Variants in SORCS2 observed in about 807,000 individuals in gnomAD.
The protein encoded by SORCS2 is VPS10 domain-containing receptor SorCS2.
Under a neutral mutation model 141.6 loss-of-function variants are expected in SORCS2, and 100 were observed. The ratio of observed to expected loss-of-function variants is 0.71; its 90% CI spans 0.60 to 0.83. The LOEUF is 0.83. Ranked by LOEUF, SORCS2 falls within the 40% of genes least tolerant of loss-of-function variation. The probability of loss-of-function intolerance (pLI) is 0.00; values close to 1 mark genes in which losing one functional copy is unlikely to be tolerated. For missense variants in SORCS2, 1,646 were observed against 1,560.2 expected (o/e 1.05, Z -0.93); for synonymous variants, 789 against 676.9 (o/e 1.17, Z -2.57).
intron 8 of SORCS2, among the ~76,000 whole-genome samples, chr4:7,672,171 G>T (rs1183098584): frequency 1.3e-5 from 2 of 152,114 alleles, no homozygotes; most frequent in East Asian, 3.9e-4. Context: ...TAGAACTCCT[G>T]ACCTCAAGTG....
intron 1 of SORCS2, among the ~76,000 whole-genome samples, chr4:7,296,251 C>T (rs1198659967): frequency 6.6e-6 from 1 of 152,236 alleles, no homozygotes; most frequent in Non-Finnish European, 1.5e-5. Flanking sequence ...GCCCTCACAG[C>T]CTCCGGGAGC....
chr4:7,261,650 T>C (rs924712334), intron 1 of SORCS2, among the ~76,000 whole-genome samples: 6 of 152,248 alleles, frequency 3.9e-5, no homozygotes, highest in Non-Finnish European at 7.3e-5. Flanking sequence ...GAAGCTGCAA[T>C]TGATTATTCA....
chr4:7,305,095 G>GCA lies in SORCS2; in HGVS notation c.481-91193_481-91192insCA, dbSNP rs1276674607. 2.7e-5 allele frequency among the ~76,000 whole-genome samples: 4 copies of GCA among 149,800 alleles called. No individual in the cohort carries two copies. In the East Asian group the frequency reaches 7.9e-4, roughly 30 times the overall value. On this transcript the variant is annotated intron_variant, in intron 1 of 26. Coordinates refer to ENST00000507866, the MANE Select transcript of SORCS2 (RefSeq NM_020777.3). ...TTGCCCAGGCTGGAGTGCAGTGAGTGATCTCAGCTCACTGCAAGCTCCGCC... is the reference window on the plus strand; with the variant it reads ...TTGCCCAGGCTGGAGTGCAGTGAGTGCAATCTCAGCTCACTGCAAGCTCCGCC...
chr4:7,569,702 C>T lies in SORCS2; in HGVS notation c.648+38073C>T, dbSNP rs562143465. Among the ~76,000 whole-genome samples the T allele has an allele frequency of 3.1e-4, 47 of 152,240 alleles. No homozygotes were observed. In the South Asian group the frequency reaches 5.4e-3, roughly 17 times the overall value. Reference sequence around the variant, plus strand: ...AATCATAAGTCCAGCCACCACAGGGCGGGGCCGTCTGCATATGGGTGCACG... The same window carrying T: ...AATCATAAGTCCAGCCACCACAGGGTGGGGCCGTCTGCATATGGGTGCACG... On this transcript the variant is annotated intron_variant, in intron 3 of 26. Transcript: ENST00000507866.
At chr4:7,512,442 G>A (rs1732722616) in intron 2 of SORCS2, among the ~76,000 whole-genome samples, 1 of 151,490 alleles carries the variant, frequency 6.6e-6, no homozygotes, top group African/African-American at 2.4e-5. Flanking sequence ...AGGGAGGGAG[G>A]ACAGTCACTG....
At chr4:7,313,346 G>T (rs1176349536) in intron 1 of SORCS2, among the ~76,000 whole-genome samples, 1 of 152,228 alleles carries the variant, frequency 6.6e-6, no homozygotes, top group Non-Finnish European at 1.5e-5. Flanking sequence ...ACACAGCAGG[G>T]AAGGCGCAGT....
At chr4:7,655,398 T>A (rs766291414) in intron 5 of SORCS2, among the ~76,000 whole-genome samples, 2 of 152,054 alleles carry the variant, frequency 1.3e-5, no homozygotes, top group Non-Finnish European at 2.9e-5. Context: ...CTACACACAC[T>A]CTCTTGCCCC....
intron 2 of SORCS2, among the ~76,000 whole-genome samples, chr4:7,428,529 A>C (rs995761212): frequency 3.9e-5 from 6 of 152,166 alleles, no homozygotes; most frequent in Non-Finnish European, 7.3e-5. Context: ...AGCAGAGACT[A>C]AGACAAGTGT....
chr4:7,685,688 A>AATATATATATATATAT (rs5855976), intron 10 of SORCS2, among the ~76,000 whole-genome samples: 3 of 149,606 alleles, frequency 2.0e-5, no homozygotes, highest in African/African-American at 7.5e-5. Flanking sequence ...AAAATAAATA[A>AATATATATATATATAT]ATATATATAT....
At chr4:7,505,150 C>G (rs1156583653) in intron 2 of SORCS2, among the ~76,000 whole-genome samples, 1 of 152,126 alleles carries the variant, frequency 6.6e-6, no homozygotes, top group African/African-American at 2.4e-5. Context: ...CCCTCCAGGG[C>G]GGGATGGGTG....
intron 3 of SORCS2, among the ~76,000 whole-genome samples, chr4:7,550,240 G>A (rs940560689): frequency 2.6e-5 from 4 of 152,016 alleles, no homozygotes; most frequent in African/African-American, 9.7e-5. Context: ...CTGAGACTGT[G>A]CTATCAGGGA....
intron 1 of SORCS2, among the ~76,000 whole-genome samples, chr4:7,245,879 G>A (rs967777514): frequency 6.6e-6 from 1 of 152,176 alleles, no homozygotes; most frequent in African/African-American, 2.4e-5. Flanking sequence ...TTTCAGAGAT[G>A]GCAACTGACT....
chr4:7,257,452 G>A (rs1182267641), intron 1 of SORCS2, among the ~76,000 whole-genome samples: 2 of 152,152 alleles, frequency 1.3e-5, no homozygotes, highest in African/African-American at 2.4e-5. Flanking sequence ...AGGGCAGGGA[G>A]AGCCTCTCCG....
chr4:7,449,882 T>A (rs1360998307), intron 2 of SORCS2, among the ~76,000 whole-genome samples: 1 of 152,184 alleles, frequency 6.6e-6, no homozygotes, highest in African/African-American at 2.4e-5. Flanking sequence ...AGGAAGGTAC[T>A]TGGGGCTGGC....
chr4:7,381,949 C>G lies in SORCS2; in HGVS notation c.481-14339C>G, dbSNP rs552434660. On this transcript the variant is annotated intron_variant, in intron 1 of 26. Transcript: ENST00000507866. ...GGCACCAAGCTCTCCATTCCACTAG[C>G]CTCTCTGGGCCAGGCCTGTGGAGTC... 14 of 986,090 alleles carry G rather than the reference C, an allele frequency of 1.4e-5. No individual in the cohort carries two copies. The African/African-American group carries it at 2.1e-4, about 15-fold the overall frequency. 61.1% of individuals were successfully genotyped at this position (986,090 alleles called of 1,614,324 possible).
chr4:7,450,828 ATGAG>A (rs1728386196), intron 2 of SORCS2, among the ~76,000 whole-genome samples: 2 of 152,350 alleles, frequency 1.3e-5, no homozygotes, highest in East Asian at 1.9e-4. Context: ...GAGTGTGTGA[ATGAG>A]TGAGTGAATG....
chr4:7,584,471 C>A (rs924669872), intron 3 of SORCS2, among the ~76,000 whole-genome samples: 1 of 152,236 alleles, frequency 6.6e-6, no homozygotes, highest in Non-Finnish European at 1.5e-5. Flanking sequence ...TAGACACTCT[C>A]TAGTGAGACC....
Position 7,676,058 on chromosome 4 carries a change from G to C in SORCS2, c.1170G>C (p.Gln390His), listed in dbSNP as rs369993013. The change falls in exon 9 of 27, where the codon CAG (glutamine) becomes CAC (histidine). Residue 390 changes from glutamine (Q) to histidine (H), a missense_variant. Physicochemically the swap from Gln to His is conservative, Grantham distance 24 (BLOSUM62 0). Coordinates refer to ENST00000507866, the MANE Select transcript of SORCS2 (RefSeq NM_020777.3). ...LPKYALPKDL[Q>H]IISTDESQVF... ...CCTGCACATCCCCACAGGATCTGCA[G>C]ATCATCAGCACGGACGAGAGTCAGG... 8.2e-6 allele frequency: 13 copies of C among 1,582,934 alleles called. No individual in the cohort carries two copies. Among genetic ancestry groups the C allele is most frequent in the East Asian group, 7.0e-5 (3 of 43,150 alleles).
chr4:7,308,580 C>T (rs1436603215), intron 1 of SORCS2, among the ~76,000 whole-genome samples: 1 of 152,122 alleles, frequency 6.6e-6, no homozygotes, highest in Non-Finnish European at 1.5e-5. Context: ...AAGGGCGTGA[C>T]CAGTTGGAGT....
Sources: allele counts gnomAD v4.1 joint callset (sites outside exome capture counted in the v4.1 genomes callset), GRCh38; gene constraint gnomAD v4.1.1; transcripts MANE v1.5; gene names NCBI Gene and HGNC (gene_info 2026-07-23, HGNC 2026-07-21).